SLC9A7: variants seen among roughly 807,000 people sequenced by gnomAD.
SLC9A7 encodes the protein solute carrier family 9 member A7.
Under a neutral mutation model 52.6 loss-of-function variants are expected in SLC9A7, and 19 were observed. That is an observed-to-expected ratio of 0.36 (90% CI 0.25 to 0.53). The LOEUF is 0.53. SLC9A7 is among the 20% of genes least tolerant of loss of function. SLC9A7 has a pLI of 0.91. For synonymous variants in SLC9A7, 226 were observed against 252.1 expected, an observed-to-expected ratio of 0.90 and a Z score of 0.98; for missense variants, 455 against 597.9, an observed-to-expected ratio of 0.76 and a Z score of 2.49.
At chrX:46,735,370 C>T (rs1945104870) in intron 1 of SLC9A7, among the ~76,000 whole-genome samples, 2 of 111,771 alleles carry the variant, frequency 1.8e-5, no homozygotes, top group Admixed American at 9.5e-5. Context: ...AATATAGCCA[C>T]TTCACAAGGA....
At chrX:46,729,363 A>G (rs1291685745) in intron 1 of SLC9A7, among the ~76,000 whole-genome samples, 2 of 112,624 alleles carry the variant, frequency 1.8e-5, no homozygotes, top group Non-Finnish European at 3.7e-5. Flanking sequence ...GTGCATTAAC[A>G]TAACATTGCA....
intron 14 of SLC9A7, among the ~76,000 whole-genome samples, chrX:46,628,563 C>T (rs1943173458): frequency 8.9e-6 from 1 of 112,446 alleles, no homozygotes; most frequent in African/African-American, 3.2e-5. Flanking sequence ...AGCTCCCTAG[C>T]CATGACTCTG....
rs149713544 is a variant in SLC9A7 at position 46,630,912 on chromosome X, C to G, written c.1740+674G>C. On this transcript the variant is annotated intron_variant, in intron 14 of 16. Coordinates refer to ENST00000616978, the MANE Select transcript of SLC9A7 (RefSeq NM_001257291.2). ...AACCTTAAGCCATCACATAAGAAAT[C>G]CAACTACCCAGCAGCCACCATGCTG... Among the ~76,000 whole-genome samples the G allele has an allele frequency of 8.5e-3, 955 of 112,374 alleles. 7 individuals are homozygous for G. Among genetic ancestry groups the G allele is most frequent in the African/African-American group, 0.029 (911 of 30,916 alleles).
intron 1 of SLC9A7, among the ~76,000 whole-genome samples, chrX:46,709,642 CTG>C (rs1175552856): frequency 9.0e-6 from 1 of 111,682 alleles, no homozygotes; most frequent in Non-Finnish European, 1.9e-5. Flanking sequence ...ATGTATAAGA[CTG>C]TGTAAAGCAC....
rs1319730506 is a variant in SLC9A7, at chrX:46,599,596, A to G, written c.*7356T>C. 2 of 112,281 alleles carry G rather than the reference A, an allele frequency of 1.8e-5. No individual in the cohort carries two copies. Among genetic ancestry groups the G allele is most frequent in the African/African-American group, 6.5e-5 (2 of 30,908 alleles). 9.3% of individuals were successfully genotyped at this position (112,281 alleles called of 1,213,427 possible). ...CTAGCTTTACAATAGCAATCTAAAC[A>G]TACACAAAGGCAAACATTGAGTAAA... On this transcript the variant is annotated 3_prime_UTR_variant, in exon 17 of 17. Coordinates refer to ENST00000616978, the MANE Select transcript of SLC9A7 (RefSeq NM_001257291.2).
intron 11 of SLC9A7, 24 bp downstream of exon 11, chrX:46,648,662 T>G (rs1231459882): frequency 1.9e-6 from 2 of 1,075,613 alleles, no homozygotes; most frequent in South Asian, 1.9e-5. Context: ...AAAACTCATT[T>G]TCTTTACACT....
chrX:46,699,470 C>A (rs976830794), intron 1 of SLC9A7, among the ~76,000 whole-genome samples: 7 of 111,806 alleles, frequency 6.3e-5, no homozygotes, highest in Non-Finnish European at 1.3e-4. Flanking sequence ...CACAACTGAA[C>A]TTTTTACTGA....
chrX:46,652,688 G>T (rs992711926), intron 8 of SLC9A7, among the ~76,000 whole-genome samples: 1 of 111,906 alleles, frequency 8.9e-6, no homozygotes, highest in Non-Finnish European at 1.9e-5. Flanking sequence ...GGTGACAAAA[G>T]TACATCCTAA....
At chrX:46,612,221 C>T (rs963848283) in intron 16 of SLC9A7, among the ~76,000 whole-genome samples, 3 of 112,164 alleles carry the variant, frequency 2.7e-5, no homozygotes, top group Admixed American at 9.5e-5. Flanking sequence ...TAGAGCTGTA[C>T]GCAAATTTTA....
At position 46,602,247 on chromosome X, in the gene SLC9A7, C is replaced by A. The variant is rs1254630600; in HGVS notation, c.*4705G>T. 1.8e-5 allele frequency: 2 copies of A among 111,786 alleles called. No individual in the cohort carries two copies. The highest frequency in any genetic ancestry group is 3.8e-5 in the Non-Finnish European group (2 of 53,204). 9.2% of individuals were successfully genotyped at this position (111,786 alleles called of 1,213,427 possible). A position where few individuals can be genotyped will look rare whatever the true frequency, so the allele number is the denominator to read the frequency against. On this transcript the variant is annotated 3_prime_UTR_variant, in exon 17 of 17. Transcript: ENST00000616978. ...GGTTTTCGTGATCTTTTCAGCTGTA[C>A]TTTATGGAGTATGTTCTTGAGTTCT...
chrX:46,635,670 C>T lies in SLC9A7; in HGVS notation c.1617-22G>A, dbSNP rs1167881122. The T allele has an allele frequency of 5.9e-6, 7 of 1,176,824 alleles. No individual in the cohort carries two copies. In the East Asian group the frequency reaches 8.9e-5, roughly 15 times the overall value. On this transcript the variant is annotated intron_variant, in intron 12 of 16. Transcript: ENST00000616978. Reference sequence around the variant, plus strand: ...AACTCTGGGCAGCAGAAGAAGGGAACGTGAGTGTGACAGGGACAACAGGAG... The same window carrying T: ...AACTCTGGGCAGCAGAAGAAGGGAATGTGAGTGTGACAGGGACAACAGGAG...
At chrX:46,723,298 C>CA (rs764219707) in intron 1 of SLC9A7, among the ~76,000 whole-genome samples, 1,845 of 18,667 alleles carry the variant, frequency 0.099, 33 homozygotes, top group East Asian at 0.21. Context: ...AAGATTTCTA[C>CA]AAAAAAAAAA....
In SLC9A7 at chrX:46,753,311, C is replaced by T. The variant is rs190125165; in HGVS notation, c.325+5394G>A. ...TCTCTCCCAACAACTCATCCTGCTC[C>T]CAAAGGATAAAGCTTGCATATCCTT... is the stretch of plus-strand genomic sequence containing the variant. On this transcript the variant is annotated intron_variant, in intron 1 of 16. Transcript: ENST00000616978. Among the ~76,000 whole-genome samples, 4 of 111,677 alleles carry T rather than the reference C, an allele frequency of 3.6e-5. No homozygotes were observed. The East Asian group carries it at 1.1e-3, about 31-fold the overall frequency.
intron 14 of SLC9A7, among the ~76,000 whole-genome samples, chrX:46,625,489 C>A (rs1943112188): frequency 9.0e-6 from 1 of 110,721 alleles, no homozygotes; most frequent in East Asian, 2.8e-4. Flanking sequence ...GTGGGCAGAT[C>A]ACTTGAGGTC....
intron 14 of SLC9A7, among the ~76,000 whole-genome samples, chrX:46,631,071 T>C (rs1217477837): frequency 8.9e-6 from 1 of 112,262 alleles, no homozygotes; most frequent in Non-Finnish European, 1.9e-5. Context: ...CCCAGGCTCC[T>C]GGTTTTCCCA....
intron 12 of SLC9A7, among the ~76,000 whole-genome samples, chrX:46,642,305 T>A (rs1033447699): frequency 1.8e-5 from 2 of 112,945 alleles, no homozygotes; most frequent in Non-Finnish European, 3.7e-5. Context: ...GAAAAACCAT[T>A]GCCACCTTGT....
chrX:46,697,239 C>A (rs1220699067), intron 1 of SLC9A7, among the ~76,000 whole-genome samples: 1 of 112,177 alleles, frequency 8.9e-6, no homozygotes, highest in Non-Finnish European at 1.9e-5. Context: ...TTCAAGAGAT[C>A]TATTGGACAA....
At chrX:46,655,480 G>C (rs1180772447) in intron 7 of SLC9A7, among the ~76,000 whole-genome samples, 1 of 111,794 alleles carries the variant, frequency 8.9e-6, no homozygotes, top group African/African-American at 3.3e-5. Flanking sequence ...TCACTAGGGA[G>C]TGCCAGACAT....
intron 1 of SLC9A7, among the ~76,000 whole-genome samples, chrX:46,706,053 TA>T (rs971073566): frequency 3.7e-5 from 4 of 108,111 alleles, no homozygotes; most frequent in African/African-American, 1.3e-4. Flanking sequence ...AAATGAAGCT[TA>T]AAAAAAATCA....
Sources: gnomAD v4.1 joint callset for allele counts (sites outside exome capture counted in the v4.1 genomes callset) on GRCh38, gnomAD v4.1.1 for gene constraint, MANE v1.5 for transcripts, NCBI Gene and HGNC (gene_info 2026-07-23, HGNC 2026-07-21) for gene names.